SORCS1: variants seen among roughly 807,000 people sequenced by gnomAD.
SORCS1 encodes the protein VPS10 domain-containing receptor SorCS1.
SORCS1 carries 60 observed loss-of-function variants against 146.1 expected under a neutral mutation model. The observed-to-expected ratio is 0.41, with a 90% CI of 0.33 to 0.51. The LOEUF (loss-of-function observed/expected upper bound fraction) is 0.51, where lower values mean the gene tolerates loss of function less well. Ranked by LOEUF, SORCS1 falls within the 20% of genes least tolerant of loss-of-function variation. The pLI, the probability that SORCS1 is intolerant of heterozygous loss-of-function variation, is 0.21. For synonymous variants in SORCS1, 637 were observed against 584.0 expected (o/e 1.09, Z -1.31); for missense variants, 1,352 against 1,487.6 (o/e 0.91, Z 1.50).
In SORCS1 at chr10:107,107,688, A is replaced by G. The variant is rs527398124; in HGVS notation, c.558+56281T>C. Among the ~76,000 whole-genome samples the G allele has an allele frequency of 2.6e-5, 4 of 152,328 alleles. No individual in the cohort carries two copies. In the East Asian group the frequency reaches 7.7e-4, roughly 29 times the overall value. On this transcript the variant is annotated intron_variant, in intron 1 of 25. Coordinates refer to ENST00000263054, the MANE Select transcript of SORCS1 (RefSeq NM_052918.5). Reference sequence around the variant, plus strand: ...TTGGATTAATTTAGGAGGTTGTGAAATTCCAGGGGAGCCCGATATTCAGTA... The same window carrying G: ...TTGGATTAATTTAGGAGGTTGTGAAGTTCCAGGGGAGCCCGATATTCAGTA...
intron 17 of SORCS1, among the ~76,000 whole-genome samples, chr10:106,658,798 T>C (rs7086394): frequency 0.13 from 20,084 of 152,166 alleles, 1,740 homozygotes; most frequent in East Asian, 0.34. Flanking sequence ...TGGCATGGCT[T>C]AACAATTAGG....
Position 106,732,715 on chromosome 10 carries a change from T to C in SORCS1, c.960-2601A>G, listed in dbSNP as rs557967070. The stretch of plus-strand genomic sequence containing the variant: ...ACGCTGGATTCAGTGTAGCTTTCCA[T>C]GTGCGTATAGTCTCAAATAAATAAT... On this transcript the variant is annotated intron_variant, in intron 5 of 25. Transcript: ENST00000263054. Among the ~76,000 whole-genome samples the C allele has an allele frequency of 8.5e-5, 13 of 152,282 alleles. No individual in the cohort carries two copies. The East Asian group carries it at 2.5e-3, about 29-fold the overall frequency.
At chr10:106,612,873 G>T in intron 21 of SORCS1, among the ~76,000 whole-genome samples, 1 of 152,116 alleles carries the variant, frequency 6.6e-6, no homozygotes, top group Middle Eastern at 3.4e-3. Flanking sequence ...TTATGACCCT[G>T]GGCCTCTTTG....
At chr10:107,163,618 G>C (rs986146263) in intron 1 of SORCS1, among the ~76,000 whole-genome samples, 5 of 152,192 alleles carry the variant, frequency 3.3e-5, no homozygotes, top group Non-Finnish European at 5.9e-5. Flanking sequence ...ATGTCAGCTT[G>C]CCTGGAAATT....
Position 106,629,313 on chromosome 10 carries a change from T to C in SORCS1, c.2551A>G (p.Met851Val), listed in dbSNP as rs780804907. ...TAGACGTGTTTGATCCCATCTTCCA[T>C]GGAGCTGAGATTGACGTAAGACACC... ...IAVSYVNLSS[M>V]EDGIKHVYQN... Residue 851 changes from methionine to valine, a missense_variant, in exon 19 of 26, where the codon ATG becomes GTG. This residue lies in a region of SORCS1 where 648 missense variants were observed against 793.8 expected (regional missense o/e 0.82). Transcript: ENST00000263054. The C allele has an allele frequency of 3.1e-6, 5 of 1,614,010 alleles. No homozygotes were observed. Among genetic ancestry groups the C allele is most frequent in the East Asian group, 2.2e-5 (1 of 44,874 alleles).
At chr10:107,077,647 C>T (rs974875105) in intron 1 of SORCS1, among the ~76,000 whole-genome samples, 6 of 151,294 alleles carry the variant, frequency 4.0e-5, no homozygotes, top group Non-Finnish European at 7.4e-5. Flanking sequence ...ATCCGTTTCA[C>T]AGTTAAGAGA....
intron 2 of SORCS1, among the ~76,000 whole-genome samples, chr10:106,889,417 C>G (rs1398252642): frequency 6.6e-6 from 1 of 152,126 alleles, no homozygotes; most frequent in African/African-American, 2.4e-5. Context: ...ACACCATACA[C>G]CATCCATAAC....
At position 106,631,598 on chromosome 10, in the gene SORCS1, G is replaced by C. The variant is rs537844662; in HGVS notation, c.2476-2210C>G. On this transcript the variant is annotated intron_variant, in intron 18 of 25. Transcript: ENST00000263054. The stretch of plus-strand genomic sequence containing the variant: ...TTCCACTAGAGAGGGGGGAGGACAT[G>C]ACGGAAGAGGGAGACAGACAAGTTT... 7.9e-5 allele frequency among the ~76,000 whole-genome samples: 12 copies of C among 152,352 alleles called. No homozygotes were observed. The South Asian group carries it at 2.5e-3, about 32-fold the overall frequency.
At chr10:107,042,736 A>G (rs886868980) in intron 1 of SORCS1, among the ~76,000 whole-genome samples, 3 of 152,024 alleles carry the variant, frequency 2.0e-5, no homozygotes, top group Non-Finnish European at 2.9e-5. Flanking sequence ...CAGCCTCCCA[A>G]GTAGCTAGGA....
At chr10:106,640,752 C>T (rs1849021437) in intron 18 of SORCS1, among the ~76,000 whole-genome samples, 1 of 152,148 alleles carries the variant, frequency 6.6e-6, no homozygotes, top group South Asian at 2.1e-4. Context: ...GTCCAGAGGA[C>T]ATCCATCTTG....
intron 2 of SORCS1, among the ~76,000 whole-genome samples, chr10:106,916,750 T>C (rs1952454120): frequency 6.6e-6 from 1 of 151,820 alleles, no homozygotes. Flanking sequence ...TACTTTCCAA[T>C]TTTTCTTTTA....
At chr10:106,989,127 G>A (rs943732499) in intron 1 of SORCS1, among the ~76,000 whole-genome samples, 1 of 150,898 alleles carries the variant, frequency 6.6e-6, no homozygotes, top group African/African-American at 2.4e-5. Context: ...AAAATTAGCT[G>A]GTCGTGGTGG....
intron 3 of SORCS1, among the ~76,000 whole-genome samples, chr10:106,794,678 G>A (rs1178715169): frequency 6.6e-6 from 1 of 151,662 alleles, no homozygotes; most frequent in African/African-American, 2.4e-5. Flanking sequence ...AATTTTTCGT[G>A]TTTTTTAGTA....
rs1179216401 is a variant in SORCS1 at position 107,109,593 on chromosome 10, TATGA to T, written c.558+54372_558+54375del. Among the ~76,000 whole-genome samples, 6 of 152,212 alleles carry T rather than the reference TATGA, an allele frequency of 3.9e-5. No individual in the cohort carries two copies. The East Asian group carries it at 9.6e-4, about 24-fold the overall frequency. ...TTCTTTCCACTTAGACCTCTGGGCC[TATGA>T]TGAGAAGGGCTGCCACAAACCTCTC... On this transcript the variant is annotated intron_variant, in intron 1 of 25. Coordinates refer to ENST00000263054, the MANE Select transcript of SORCS1 (RefSeq NM_052918.5).
chr10:107,021,691 T>C (rs1414715726), intron 1 of SORCS1, among the ~76,000 whole-genome samples: 1 of 152,116 alleles, frequency 6.6e-6, no homozygotes, highest in African/African-American at 2.4e-5. Flanking sequence ...CCTAATTCTA[T>C]CATTTCAAAC....
chr10:106,758,173 C>A (rs965496703), intron 5 of SORCS1, among the ~76,000 whole-genome samples: 7 of 152,110 alleles, frequency 4.6e-5, no homozygotes, highest in Non-Finnish European at 8.8e-5. Context: ...CAAGCTTTCA[C>A]ATAGAAGATT....
At chr10:106,620,137 A>G in intron 20 of SORCS1, 1 of 238,222 alleles carries the variant, frequency 4.2e-6, no homozygotes, top group East Asian at 9.5e-5. Flanking sequence ...ATAGAGTTTA[A>G]TTTCTCTGCT....
intron 1 of SORCS1, among the ~76,000 whole-genome samples, chr10:107,152,457 C>A (rs978311336): frequency 1.3e-5 from 2 of 152,150 alleles, no homozygotes; most frequent in African/African-American, 4.8e-5. Flanking sequence ...TTTGGAAAAG[C>A]TACAGACACT....
chr10:106,818,483 A>C (rs1242117525), intron 3 of SORCS1, among the ~76,000 whole-genome samples: 1 of 151,730 alleles, frequency 6.6e-6, no homozygotes, highest in Non-Finnish European at 1.5e-5. Context: ...CTCCTGCCTC[A>C]GCCTCCCGAG....
Sources: allele counts gnomAD v4.1 joint callset (sites outside exome capture counted in the v4.1 genomes callset), GRCh38; gene constraint gnomAD v4.1.1; regional missense constraint gnomAD v4.1.1; transcripts MANE v1.5; gene names NCBI Gene and HGNC (gene_info 2026-07-23, HGNC 2026-07-21).